Variants in KLF12 observed in about 807,000 individuals in gnomAD.
The protein encoded by KLF12 is Krueppel-like factor 12.
A neutral mutation model predicts 37.8 loss-of-function variants in KLF12; 9 were observed. The observed-to-expected ratio is 0.24, with a 90% confidence interval of 0.14 to 0.42. KLF12 has a LOEUF of 0.42. Ranked by LOEUF, KLF12 falls within the 10% of genes least tolerant of loss-of-function variation. The probability of loss-of-function intolerance (pLI) is 1.00; values close to 1 mark genes in which losing one functional copy is unlikely to be tolerated. For synonymous variants in KLF12, 208 were observed against 202.1 expected (o/e 1.03, Z -0.25); for missense variants, 411 against 516.0 (o/e 0.80, Z 1.97).
intron 6 of KLF12, among the ~76,000 whole-genome samples, chr13:73,729,907 A>AAC (rs1876937272): frequency 6.9e-6 from 1 of 143,924 alleles, no homozygotes; most frequent in African/African-American, 2.6e-5. Flanking sequence ...ACCTCAAATG[A>AAC]ATGAAAAATG....
chr13:74,135,044 G>T (rs957202017), upstream of KLF12, among the ~76,000 whole-genome samples: 1 of 151,414 alleles, frequency 6.6e-6, no homozygotes, highest in African/African-American at 2.4e-5. Context: ...CGCGGGCGGT[G>T]CCCCCCGCGC....
intron 2 of KLF12, among the ~76,000 whole-genome samples, chr13:73,987,795 GGAGA>G (rs1275390837): frequency 1.5e-5 from 2 of 134,336 alleles, no homozygotes; most frequent in East Asian, 4.8e-4. Context: ...AAGTGGGAGA[GGAGA>G]GAGAAAGTGG....
upstream of KLF12, among the ~76,000 whole-genome samples, chr13:74,135,629 G>A (rs1409554253): frequency 6.6e-6 from 1 of 151,654 alleles, no homozygotes; most frequent in Non-Finnish European, 1.5e-5. Context: ...GGAGGCGGGA[G>A]GCTGTGGGCC....
intron 2 of KLF12, among the ~76,000 whole-genome samples, chr13:73,956,848 C>T (rs1890850300): frequency 6.6e-6 from 1 of 151,788 alleles, no homozygotes. Context: ...TCACTTGAGC[C>T]TGGGAGGTCG....
At chr13:73,848,715 C>A (rs1157793510) in intron 3 of KLF12, among the ~76,000 whole-genome samples, 1 of 151,908 alleles carries the variant, frequency 6.6e-6, no homozygotes, top group East Asian at 1.9e-4. Flanking sequence ...TTAAGAATTA[C>A]ATGGCTTTTG....
intron 1 of KLF12, among the ~76,000 whole-genome samples, chr13:74,030,056 AT>A (rs1335847547): frequency 6.6e-6 from 1 of 152,150 alleles, no homozygotes; most frequent in Non-Finnish European, 1.5e-5. Context: ...ACATTAAAAA[AT>A]TTTTAAGTGA....
chr13:74,272,516 A>G, the KLF12 span, among the ~76,000 whole-genome samples: 1 of 152,196 alleles, frequency 6.6e-6, no homozygotes, highest in Admixed American at 6.5e-5. Flanking sequence ...TGGCTACACA[A>G]GAGGGCCTGA....
intron 1 of KLF12, among the ~76,000 whole-genome samples, chr13:74,101,316 T>C (rs1489786024): frequency 6.6e-6 from 1 of 152,168 alleles, no homozygotes; most frequent in Non-Finnish European, 1.5e-5. Flanking sequence ...TTTGTGTAAT[T>C]CCCATGCGCT....
chr13:74,085,491 C>T (rs1056730273), intron 1 of KLF12, among the ~76,000 whole-genome samples: 6 of 152,172 alleles, frequency 3.9e-5, no homozygotes, highest in Non-Finnish European at 7.3e-5. Context: ...ACACATAATT[C>T]ACTGAATTCT....
Position 73,695,607 on chromosome 13 carries a change from C to G in KLF12, c.1092G>C (p.Leu364=), listed in dbSNP as rs932005035. 1 of 1,613,984 alleles carries G rather than the reference C, an allele frequency of 6.2e-7. No individual in the cohort carries two copies. Among genetic ancestry groups the G allele is most frequent in the African/African-American group, 1.3e-5 (1 of 74,922 alleles). The change falls in exon 8 of 8, where the codon CTG becomes CTC. Residue 364 remains leucine (L), a synonymous_variant. Coordinates refer to ENST00000377669, the MANE Select transcript of KLF12 (RefSeq NM_007249.5). Reference sequence around the variant, plus strand: ...CCGTATGTTTGCGGTAATGCCTCGTCAGTTCATCTGAACGAGCGAACTTCC... The same window carrying G: ...CCGTATGTTTGCGGTAATGCCTCGTGAGTTCATCTGAACGAGCGAACTTCC...
At chr13:73,931,727 GA>G (rs1296675365) in intron 3 of KLF12, among the ~76,000 whole-genome samples, 1 of 151,794 alleles carries the variant, frequency 6.6e-6, no homozygotes, top group Non-Finnish European at 1.5e-5. Flanking sequence ...GCTGATTGGG[GA>G]AAAATATAAT....
intron 3 of KLF12, among the ~76,000 whole-genome samples, chr13:73,855,594 T>C (rs1885567856): frequency 6.6e-6 from 1 of 152,206 alleles, no homozygotes; most frequent in African/African-American, 2.4e-5. Context: ...TGACTTATAT[T>C]CCTTTGGGTA....
chr13:74,275,786 CT>C, the KLF12 span, among the ~76,000 whole-genome samples: 6 of 76,570 alleles, frequency 7.8e-5, no homozygotes, highest in African/African-American at 3.6e-4. Flanking sequence ...CTTTTTCTTT[CT>C]TTCTTTCTTT....
chr13:74,087,563 T>A (rs1047294290), intron 1 of KLF12, among the ~76,000 whole-genome samples: 9 of 152,264 alleles, frequency 5.9e-5, no homozygotes, highest in Middle Eastern at 3.4e-3. Flanking sequence ...GTCAGTCAAG[T>A]GCTTGGCTAA....
At chr13:73,702,172 G>C (rs998012043) in intron 7 of KLF12, among the ~76,000 whole-genome samples, 33 of 151,920 alleles carry the variant, frequency 2.2e-4, no homozygotes, top group African/African-American at 7.5e-4. Context: ...AAGTGTTCTG[G>C]GAAAACAAAA....
At chr13:73,739,255 A>G (rs903737499) in intron 6 of KLF12, among the ~76,000 whole-genome samples, 10 of 149,736 alleles carry the variant, frequency 6.7e-5, no homozygotes, top group Admixed American at 6.7e-4. Flanking sequence ...AATAATAATA[A>G]TAATAATAAT....
chr13:73,732,192 TC>T (rs1276330170), intron 6 of KLF12, among the ~76,000 whole-genome samples: 3 of 151,682 alleles, frequency 2.0e-5, no homozygotes, highest in Admixed American at 6.6e-5. Flanking sequence ...CAAGTGATTC[TC>T]CTGTCTTAGC....
the KLF12 span, among the ~76,000 whole-genome samples, chr13:74,210,435 C>T: frequency 2.0e-5 from 3 of 152,118 alleles, no homozygotes; most frequent in Non-Finnish European, 4.4e-5. Flanking sequence ...GATTCTAAAG[C>T]CTGCTGTATT....
intron 7 of KLF12, among the ~76,000 whole-genome samples, chr13:73,703,330 A>G (rs2137594639): frequency 6.6e-6 from 1 of 152,226 alleles, no homozygotes; most frequent in East Asian, 1.9e-4. Context: ...TCAGCAATTA[A>G]TTATAGTTTT....
Sources: gnomAD v4.1 joint callset for allele counts (sites outside exome capture counted in the v4.1 genomes callset) on GRCh38, gnomAD v4.1.1 for gene constraint, MANE v1.5 for transcripts, NCBI Gene and HGNC (gene_info 2026-07-23, HGNC 2026-07-21) for gene names.